The following RGS9 variants were observed in gnomAD, a reference collection of about 807,000 sequenced individuals.
RGS9 encodes the protein regulator of G protein signaling 9, also known as regulator of G-protein signalling 9.
Under a neutral mutation model 102.0 loss-of-function variants are expected in RGS9, and 78 were observed. That is an observed-to-expected ratio of 0.76 (90% confidence interval 0.64 to 0.92). The LOEUF (loss-of-function observed/expected upper bound fraction) is 0.92, where lower values mean the gene tolerates loss of function less well. Among genes scored for constraint, RGS9 ranks in the 40% least tolerant of loss-of-function variants. The pLI, the probability that RGS9 is intolerant of heterozygous loss-of-function variation, is 0.00. For synonymous variants in RGS9, 353 were observed against 318.6 expected (o/e 1.11, Z -1.15); for missense variants, 833 against 866.1 (o/e 0.96, Z 0.48).
chr17:65,162,943 A>G (rs1179677620), intron 6 of RGS9, 70 bp from the exon 7 acceptor site: 4 of 836,300 alleles, frequency 4.8e-6, no homozygotes, highest in East Asian at 2.7e-5. Context: ...GCTGACTTAG[A>G]GTTTGTTGCC....
At chr17:65,183,111 C>CTATCCATCTAT (rs1360431205) in intron 9 of RGS9, among the ~76,000 whole-genome samples, 2 of 78,298 alleles carry the variant, frequency 2.6e-5, no homozygotes, top group African/African-American at 1.4e-4. Context: ...TATCTATCTA[C>CTATCCATCTAT]CTACCTACCT....
chr17:65,216,559 C>T (rs1041319479), intron 17 of RGS9, among the ~76,000 whole-genome samples: 20 of 152,332 alleles, frequency 1.3e-4, no homozygotes, highest in Admixed American at 4.6e-4. Flanking sequence ...ATCGCTTGAA[C>T]CCGGGAGGCA....
At chr17:65,226,410 G>A (rs372644742) in intron 18 of RGS9, among the ~76,000 whole-genome samples, 3 of 152,160 alleles carry the variant, frequency 2.0e-5, no homozygotes, top group South Asian at 4.1e-4. Context: ...TAGGGGGAGA[G>A]GGAGGAGCAG....
chr17:65,224,220 A>G lies in RGS9; in HGVS notation c.1408-782A>G, dbSNP rs933699421. ...ATTTCCTTTTGTCTGCTTTCAGGCA[A>G]CTTTGGGCTGTAAATGCCAGATTTA... On this transcript the variant is annotated intron_variant, in intron 17 of 18. Transcript: ENST00000262406. Among the ~76,000 whole-genome samples the G allele has an allele frequency of 4.6e-5, 7 of 152,306 alleles. No homozygotes were observed. The East Asian group carries it at 1.4e-3, about 29-fold the overall frequency.
chr17:65,139,114 C>T (rs1281291465), intron 1 of RGS9, among the ~76,000 whole-genome samples: 16 of 9,732 alleles, frequency 1.6e-3, no homozygotes, highest in Non-Finnish European at 9.5e-3. Context: ...CCCCCTCCAC[C>T]CCACCTTTCC....
intron 8 of RGS9, among the ~76,000 whole-genome samples, chr17:65,169,576 A>T (rs1404372129): frequency 6.6e-6 from 1 of 152,208 alleles, no homozygotes; most frequent in African/African-American, 2.4e-5. Context: ...ACCATACCTG[A>T]GGGTAGGTAA....
intron 9 of RGS9, chr17:65,188,609 C>G (rs1256156490): frequency 1.3e-5 from 2 of 152,560 alleles, no homozygotes; most frequent in Non-Finnish European, 2.9e-5. Context: ...TTCTCTCTTT[C>G]TCTCTCTCTT....
chr17:65,215,474 C>CTTTTTCTTTCTT (rs1378047430), intron 17 of RGS9, among the ~76,000 whole-genome samples: 2 of 137,046 alleles, frequency 1.5e-5, no homozygotes, highest in African/African-American at 6.5e-5. Flanking sequence ...TTCTTTCTTT[C>CTTTTTCTTTCTT]TCTATCTTTC....
At chr17:65,181,266 G>C (rs753448032) in intron 9 of RGS9, among the ~76,000 whole-genome samples, 15 of 152,172 alleles carry the variant, frequency 9.9e-5, no homozygotes, top group Non-Finnish European at 1.2e-4. Context: ...CCCACCAGAA[G>C]CATATAAGCT....
intron 8 of RGS9, among the ~76,000 whole-genome samples, chr17:65,176,754 CCCAT>C (rs144433018): frequency 0.11 from 12,865 of 122,376 alleles, 576 homozygotes; most frequent in Middle Eastern, 0.15. Context: ...CATCCATCCA[CCCAT>C]CCACCCATCC....
chr17:65,146,665 C>G (rs981577880), intron 1 of RGS9, among the ~76,000 whole-genome samples: 1 of 151,548 alleles, frequency 6.6e-6, no homozygotes, highest in Non-Finnish European at 1.5e-5. Context: ...GAGGCTGAGG[C>G]AGGCAGATCA....
intron 16 of RGS9, among the ~76,000 whole-genome samples, chr17:65,208,270 A>G (rs568751742): frequency 3.9e-5 from 6 of 152,328 alleles, no homozygotes; most frequent in African/African-American, 1.4e-4. Flanking sequence ...CAGACCAATA[A>G]TTACCCTTAT....
At chr17:65,227,201 T>C in intron 18 of RGS9, 74 bp from the exon 19 acceptor site, 1 of 1,600,496 alleles carries the variant, frequency 6.2e-7, no homozygotes, top group South Asian at 1.1e-5. Flanking sequence ...TTCAAGGATG[T>C]CAGGATGATT....
chr17:65,153,306 G>A, intron 1 of RGS9, 116 bp from the exon 2 acceptor site: 1 of 877,062 alleles, frequency 1.1e-6, no homozygotes, highest in Non-Finnish European at 1.9e-6. Flanking sequence ...GTACCAGATG[G>A]GGAACCCCTG....
chr17:65,211,013 AGTG>A (rs1434221672), intron 17 of RGS9, among the ~76,000 whole-genome samples: 1 of 152,102 alleles, frequency 6.6e-6, no homozygotes, highest in Non-Finnish European at 1.5e-5. Context: ...CATAGGGAAA[AGTG>A]GTACACAAAG....
At chr17:65,164,823 G>A (rs918248260) in intron 7 of RGS9, among the ~76,000 whole-genome samples, 3 of 152,160 alleles carry the variant, frequency 2.0e-5, no homozygotes, top group African/African-American at 7.2e-5. Context: ...TTGTTCATAA[G>A]GCTTCATTTG....
chr17:65,145,558 T>TTA (rs1910323730), intron 1 of RGS9, among the ~76,000 whole-genome samples: 2 of 124,730 alleles, frequency 1.6e-5, no homozygotes, highest in Non-Finnish European at 3.2e-5. Flanking sequence ...CTATTTTTTT[T>TTA]TTTTTTAATA....
At chr17:65,165,107 C>T (rs1911127596) in intron 7 of RGS9, among the ~76,000 whole-genome samples, 1 of 152,164 alleles carries the variant, frequency 6.6e-6, no homozygotes, top group South Asian at 2.1e-4. Context: ...TCCCTCAACC[C>T]CTCCATCCCT....
chr17:65,177,222 A>T (rs1455722691), intron 8 of RGS9, among the ~76,000 whole-genome samples: 1 of 147,928 alleles, frequency 6.8e-6, no homozygotes, highest in Non-Finnish European at 1.5e-5. Context: ...TCCACCTACC[A>T]CCCATTTACC....
Sources: allele counts gnomAD v4.1 joint callset (sites outside exome capture counted in the v4.1 genomes callset), GRCh38; gene constraint gnomAD v4.1.1; transcripts MANE v1.5; gene names NCBI Gene and HGNC (gene_info 2026-07-23, HGNC 2026-07-21).